Variants in CDH13 observed in about 807,000 individuals in gnomAD.
CDH13 encodes cadherin 13.
CDH13 carries 24 observed loss-of-function variants against 63.8 expected under a neutral mutation model. That is an observed-to-expected ratio of 0.38 (90% CI 0.27 to 0.53). CDH13 has a LOEUF of 0.53. Ranked by LOEUF, CDH13 falls within the 20% of genes least tolerant of loss-of-function variation. The probability of loss-of-function intolerance (pLI) is 0.85; values close to 1 mark genes in which losing one functional copy is unlikely to be tolerated. For missense variants in CDH13, 1,049 were observed against 903.1 expected, an observed-to-expected ratio of 1.16 and a Z score of -2.07; for synonymous variants, 503 against 355.3, an observed-to-expected ratio of 1.42 and a Z score of -4.67.
At chr16:83,684,824 T>C (rs1362253711) in intron 10 of CDH13, among the ~76,000 whole-genome samples, 1 of 152,306 alleles carries the variant, frequency 6.6e-6, no homozygotes, top group East Asian at 1.9e-4. Flanking sequence ...GGGACTAAGT[T>C]TGGCTGAACA....
chr16:83,066,781 G>A (rs552654218), intron 3 of CDH13, among the ~76,000 whole-genome samples: 246 of 152,286 alleles, frequency 1.6e-3, no homozygotes, highest in Middle Eastern at 3.4e-3. Context: ...AATGCTCAAA[G>A]TCCACATGGT....
At chr16:83,230,009 GA>G (rs1280970517) in intron 5 of CDH13, among the ~76,000 whole-genome samples, 1 of 152,180 alleles carries the variant, frequency 6.6e-6, no homozygotes, top group Non-Finnish European at 1.5e-5. Context: ...GTGCTCTTTT[GA>G]AATTGATTGT....
chr16:83,203,259 A>G (rs2039084989), intron 4 of CDH13, among the ~76,000 whole-genome samples: 1 of 151,936 alleles, frequency 6.6e-6, no homozygotes, highest in Non-Finnish European at 1.5e-5. Flanking sequence ...AAACAAACAA[A>G]TTTCCTTTTG....
At chr16:83,066,950 A>C (rs932770471) in intron 3 of CDH13, among the ~76,000 whole-genome samples, 4 of 152,176 alleles carry the variant, frequency 2.6e-5, no homozygotes, top group Admixed American at 1.3e-4. Flanking sequence ...TTTGTCACCA[A>C]ATGCTGAAGT....
chr16:83,060,462 T>A (rs1470742781), intron 3 of CDH13, among the ~76,000 whole-genome samples: 1 of 152,228 alleles, frequency 6.6e-6, no homozygotes, highest in Non-Finnish European at 1.5e-5. Flanking sequence ...TGATGTTTAC[T>A]GAGCCCTTAC....
intron 2 of CDH13, among the ~76,000 whole-genome samples, chr16:82,873,704 T>G (rs2040416844): frequency 6.6e-6 from 1 of 152,160 alleles, no homozygotes; most frequent in Non-Finnish European, 1.5e-5. Context: ...TTTAAAAAGT[T>G]GGTTGGTTTT....
At chr16:82,648,008 G>A (rs962399742) in intron 1 of CDH13, among the ~76,000 whole-genome samples, 2 of 152,194 alleles carry the variant, frequency 1.3e-5, no homozygotes, top group African/African-American at 2.4e-5. Context: ...ATAAGGGGCA[G>A]TTCCCCTGCA....
chr16:83,083,397 C>G (rs568999531), intron 3 of CDH13, among the ~76,000 whole-genome samples: 18 of 152,226 alleles, frequency 1.2e-4, no homozygotes, highest in African/African-American at 4.3e-4. Flanking sequence ...ATAAAGAAGG[C>G]AAAACAAGTG....
intron 9 of CDH13, among the ~76,000 whole-genome samples, chr16:83,671,743 C>T (rs932804065): frequency 6.6e-6 from 1 of 152,176 alleles, no homozygotes; most frequent in Non-Finnish European, 1.5e-5. Flanking sequence ...GTGTGAAACC[C>T]TCTGTGACCC....
At chr16:82,888,417 A>G (rs1482703301) in intron 2 of CDH13, among the ~76,000 whole-genome samples, 2 of 152,086 alleles carry the variant, frequency 1.3e-5, no homozygotes, top group East Asian at 3.9e-4. Flanking sequence ...TCCTCTGTCA[A>G]ATGAAGGGAC....
chr16:82,812,717 G>C (rs2037508052), intron 1 of CDH13, among the ~76,000 whole-genome samples: 1 of 152,150 alleles, frequency 6.6e-6, no homozygotes, highest in Non-Finnish European at 1.5e-5. Context: ...CGGCTAAAAA[G>C]GAGACAGATA....
intron 6 of CDH13, among the ~76,000 whole-genome samples, chr16:83,422,376 A>G (rs538827344): frequency 1.3e-5 from 2 of 152,350 alleles, no homozygotes; most frequent in Admixed American, 6.5e-5. Context: ...GTGAATTTTG[A>G]TCATGATGAA....
rs1397951151 is a variant in CDH13, at chr16:82,926,391, C to G, written c.157+67918C>G. 6.6e-5 allele frequency among the ~76,000 whole-genome samples: 10 copies of G among 152,114 alleles called. No individual in the cohort carries two copies. In the South Asian group the frequency reaches 1.4e-3, roughly 22 times the overall value. On this transcript the variant is annotated intron_variant, in intron 2 of 13. Coordinates refer to ENST00000567109, the MANE Select transcript of CDH13 (RefSeq NM_001257.5). The stretch of plus-strand genomic sequence containing the variant: ...TTTTCGCACCCCTGTGCCTGTTTTC[C>G]TGAAAGTTTAGAGATCCTGAGTTGG...
chr16:82,698,366 T>TG (rs2030581860), intron 1 of CDH13, among the ~76,000 whole-genome samples: 1 of 152,080 alleles, frequency 6.6e-6, no homozygotes, highest in African/African-American at 2.4e-5. Flanking sequence ...CTGTAGATGG[T>TG]GGGAAAAAGG....
At chr16:83,523,095 G>A (rs1397213975) in intron 7 of CDH13, among the ~76,000 whole-genome samples, 1 of 152,102 alleles carries the variant, frequency 6.6e-6, no homozygotes, top group East Asian at 1.9e-4. Flanking sequence ...ACCCTCCTCT[G>A]GTACCCCTTT....
At chr16:83,261,254 G>A (rs866366626) in intron 5 of CDH13, among the ~76,000 whole-genome samples, 1 of 152,122 alleles carries the variant, frequency 6.6e-6, no homozygotes, top group African/African-American at 2.4e-5. Flanking sequence ...TGAGAGGAAG[G>A]TAAGTGCTTT....
intron 1 of CDH13, among the ~76,000 whole-genome samples, chr16:82,837,588 A>G (rs2038822529): frequency 6.6e-6 from 1 of 152,210 alleles, no homozygotes; most frequent in Non-Finnish European, 1.5e-5. Flanking sequence ...AATCAGTTAC[A>G]AGATTTCCAC....
chr16:83,106,100 A>G (rs1432452324), intron 3 of CDH13, among the ~76,000 whole-genome samples: 2 of 152,254 alleles, frequency 1.3e-5, no homozygotes, highest in African/African-American at 2.4e-5. Flanking sequence ...TAAAATGTTC[A>G]TAACCTTTGA....
chr16:83,302,895 C>T (rs574993006), intron 5 of CDH13, among the ~76,000 whole-genome samples: 1 of 152,286 alleles, frequency 6.6e-6, no homozygotes, highest in Admixed American at 6.5e-5. Flanking sequence ...TTTCATCAAA[C>T]TGGGAGGTCA....
Sources: allele counts gnomAD v4.1 joint callset (sites outside exome capture counted in the v4.1 genomes callset), GRCh38; gene constraint gnomAD v4.1.1; transcripts MANE v1.5; gene names NCBI Gene and HGNC (gene_info 2026-07-23, HGNC 2026-07-21).